The following SLC5A2 variants were observed in gnomAD, a reference collection of about 807,000 sequenced individuals.
SLC5A2 encodes the protein sodium/glucose cotransporter 2.
SLC5A2 carries 67 observed loss-of-function variants against 69.0 expected under a neutral mutation model. The ratio of observed to expected loss-of-function variants is 0.97; its 90% CI spans 0.80 to 1.19. The LOEUF (loss-of-function observed/expected upper bound fraction) is 1.19, where lower values mean the gene tolerates loss of function less well. SLC5A2 is among the 50% of genes most tolerant of loss of function. The pLI is 0.00. For synonymous variants in SLC5A2, 455 were observed against 395.8 expected (o/e 1.15, Z -1.78); for missense variants, 1,001 against 921.5 (o/e 1.09, Z -1.12).
rs1436961603 is a variant in SLC5A2, at chr16:31,488,721, A to T, written c.1229A>T (p.Tyr410Phe). ...SSSTLFTMDI[Y>F]TRLRPRAGDR... ...AGCACGCTCTTCACCATGGACATCT[A>T]CACGCGCCTGCGGCCACGCGCCGGC... Residue 410 changes from tyrosine to phenylalanine, a missense_variant, in exon 10 of 14, where the codon TAC becomes TTC. Coordinates refer to ENST00000330498, the MANE Select transcript of SLC5A2 (RefSeq NM_003041.4). 2 of 1,611,810 alleles carry T rather than the reference A, an allele frequency of 1.2e-6. No homozygotes were observed. The highest frequency in any genetic ancestry group is 1.7e-6 in the Non-Finnish European group (2 of 1,179,178).
In SLC5A2 at chr16:31,490,498, T is replaced by C. The variant is rs775638719; in HGVS notation, c.1982T>C (p.Met661Thr). 4 of 1,613,660 alleles carry C rather than the reference T, an allele frequency of 2.5e-6. No individual in the cohort carries two copies. The highest frequency in any genetic ancestry group is 1.6e-4 in the Middle Eastern group (1 of 6,082). ...RVVNLNALLM[M>T]AVAVFLWGFY... ...GTCAACCTCAATGCCCTGCTCATGA[T>C]GGCAGTGGCCGTGTTCCTCTGGGGC... Residue 661 changes from methionine to threonine, a missense_variant, in exon 14 of 14, where the codon ATG becomes ACG. Coordinates refer to ENST00000330498, the MANE Select transcript of SLC5A2 (RefSeq NM_003041.4).
rs2082515844 is a variant in SLC5A2 at position 31,488,182 on chromosome 16, C to T, written c.1021+9C>T. 3 of 1,613,858 alleles carry T rather than the reference C, an allele frequency of 1.9e-6. No homozygotes were observed. Among genetic ancestry groups the T allele is most frequent in the African/African-American group, 2.7e-5 (2 of 74,922 alleles). On this transcript the variant is annotated intron_variant, in intron 8 of 13. Coordinates refer to ENST00000330498, the MANE Select transcript of SLC5A2 (RefSeq NM_003041.4). ...CCGCATTCTGTACCCAGGTAACATC[C>T]CTGCCCCGCCCCTTTCCTGTGCCAG...
chr16:31,485,211 AG>A (rs2082486227), intron 3 of SLC5A2: 1 of 553,864 alleles, frequency 1.8e-6, no homozygotes, highest in Admixed American at 3.0e-5. Context: ...GCAGCCTCAA[AG>A]CCAGGGAAGC....
At position 31,488,189 on chromosome 16, in the gene SLC5A2, C is replaced by T; in HGVS notation, c.1021+16C>T. 6.2e-7 allele frequency: 1 copy of T among 1,613,982 alleles called. No homozygotes were observed. The highest frequency in any genetic ancestry group is 1.6e-4 in the Middle Eastern group (1 of 6,062). ...CTGTACCCAGGTAACATCCCTGCCCCGCCCCTTTCCTGTGCCAGCAACCGG... is the reference window on the plus strand; with the variant it reads ...CTGTACCCAGGTAACATCCCTGCCCTGCCCCTTTCCTGTGCCAGCAACCGG... On this transcript the variant is annotated intron_variant, in intron 8 of 13. Coordinates refer to ENST00000330498, the MANE Select transcript of SLC5A2 (RefSeq NM_003041.4).
rs765982681 is a variant in SLC5A2, at chr16:31,485,718, G to GC, written c.304-5dup. On this transcript the variant is annotated splice_polypyrimidine_tract_variant and intron_variant, in intron 3 of 13. Coordinates refer to ENST00000330498, the MANE Select transcript of SLC5A2 (RefSeq NM_003041.4). Reference sequence around the variant, plus strand: ...CAAAGCCACCCTCAGCGGCAGTACTGCCCCCCGTAGGCGCTCTTCGTGGTG... The same window carrying GC: ...CAAAGCCACCCTCAGCGGCAGTACTGCCCCCCCGTAGGCGCTCTTCGTGGTG... The GC allele has an allele frequency of 2.1e-5, 34 of 1,612,202 alleles. 2 individuals carry two copies. In the South Asian group the frequency reaches 3.0e-4, roughly 14 times the overall value.
chr16:31,483,177 G>C lies in SLC5A2; in HGVS notation c.41G>C (p.Gly14Ala), dbSNP rs752166710. Residue 14 changes from glycine to alanine, a missense_variant, in exon 1 of 14, where the codon GGG becomes GCG. Coordinates refer to ENST00000330498, the MANE Select transcript of SLC5A2 (RefSeq NM_003041.4). ...GAGGCAGGCTCGGCACCAGAGATGG[G>C]GGCCCAGAAGGCCCTGATTGACAAT... ...HTEAGSAPEM[G>A]AQKALIDNPA... is the part of the protein sequence containing the mutation. The C allele has an allele frequency of 1.9e-6, 3 of 1,614,064 alleles. No homozygotes were observed. In the South Asian group the frequency reaches 3.3e-5, roughly 18 times the overall value.
chr16:31,485,758 G>A lies in SLC5A2; in HGVS notation c.333G>A (p.Trp111Ter), dbSNP rs142399311. The A allele has an allele frequency of 1.5e-5, 25 of 1,613,602 alleles. No homozygotes were observed. The African/African-American group carries it at 2.9e-4, about 19-fold the overall frequency. ...TCTTCGTGGTGCTGCTACTGGGCTG[G>A]CTGTTTGCACCCGTGTACCTGACAG... The part of the protein sequence containing the change: ...NALFVVLLLG[W>*]LFAPVYLTAG... The change falls in exon 4 of 14, where the codon TGG becomes TGA. Residue 111 changes from tryptophan to a stop codon, truncating the protein, a stop_gained. Transcript: ENST00000330498. LOFTEE classifies it high-confidence loss of function.
chr16:31,485,825 G>C lies in SLC5A2; in HGVS notation c.400G>C (p.Gly134Arg). Residue 134 changes from glycine to arginine, a missense_variant, in exon 4 of 14, where the codon GGC becomes CGC. Physicochemically the swap from Gly to Arg is moderately radical, Grantham distance 125. Transcript: ENST00000330498. ...GCCACAGTACCTGCGCAAGCGCTTC[G>C]GCGGCCGCCGCATCCGCCTCTACCT... Reference protein sequence around the residue: ...TMPQYLRKRFGGRRIRLYLSV... With the variant: ...TMPQYLRKRFRGRRIRLYLSV... 3 of 1,613,120 alleles carry C rather than the reference G, an allele frequency of 1.9e-6. No individual in the cohort carries two copies. The highest frequency in any genetic ancestry group is 2.5e-6 in the Non-Finnish European group (3 of 1,180,016).
At chr16:31,486,830 C>T (rs544927523) in intron 5 of SLC5A2, among the ~76,000 whole-genome samples, 1 of 152,100 alleles carries the variant, frequency 6.6e-6, no homozygotes, top group Non-Finnish European at 1.5e-5. Context: ...GCGGATCACG[C>T]GGTCAGGAGT....
At position 31,489,245 on chromosome 16, in the gene SLC5A2, G is replaced by C. The variant is rs1171608131; in HGVS notation, c.1572G>C (p.Val524=). 1.2e-6 allele frequency: 2 copies of C among 1,610,488 alleles called. No individual in the cohort carries two copies. Among genetic ancestry groups the C allele is most frequent in the African/African-American group, 1.3e-5 (1 of 74,924 alleles). The change falls in exon 12 of 14, where the codon GTG becomes GTC. Residue 524 remains valine (V), a synonymous_variant. Coordinates refer to ENST00000330498, the MANE Select transcript of SLC5A2 (RefSeq NM_003041.4). ...PSACPAFLCG[V]HYLYFAIVLF... is the part of the protein sequence containing the mutation. The stretch of plus-strand genomic sequence containing the variant: ...CGTGCCCAGCTTTCCTCTGCGGCGT[G>C]CACTACCTCTACTTCGCCATTGTGC...
rs182785558 is a variant in SLC5A2 at position 31,487,505 on chromosome 16, G to A, written c.656-25G>A. 104 of 1,612,810 alleles carry A rather than the reference G, an allele frequency of 6.4e-5. No homozygotes were observed. The Admixed American group carries it at 1.6e-3, about 25-fold the overall frequency. Reference sequence around the variant, plus strand: ...CTCCGGTCTGAGGGTCCTAAGGAGGGTCCCCTGACGGCCTTGCCCGGCAGC... The same window carrying A: ...CTCCGGTCTGAGGGTCCTAAGGAGGATCCCCTGACGGCCTTGCCCGGCAGC... On this transcript the variant is annotated intron_variant, in intron 6 of 13. Transcript: ENST00000330498.
Position 31,484,669 on chromosome 16 carries a change from C to A in SLC5A2, c.127-4C>A. Reference sequence around the variant, plus strand: ...CCCAGGTCTCCCCCGCCTCTGTCTCCCAGTCCATGTGCAGAACCAACAGAG... The same window carrying A: ...CCCAGGTCTCCCCCGCCTCTGTCTCACAGTCCATGTGCAGAACCAACAGAG... On this transcript the variant is annotated splice_polypyrimidine_tract_variant and splice_region_variant and intron_variant, in intron 1 of 13. Coordinates refer to ENST00000330498, the MANE Select transcript of SLC5A2 (RefSeq NM_003041.4). The A allele has an allele frequency of 6.2e-7, 1 of 1,606,952 alleles. No individual in the cohort carries two copies.
At position 31,487,654 on chromosome 16, in the gene SLC5A2, C is replaced by G; in HGVS notation, c.780C>G (p.Pro260=). ...CCAGCTTCTGCTATCGACCCCGGCC[C>G]GACTCCTACCACCTGCTCCGGCACC... ...NISSFCYRPR[P]DSYHLLRHPV... The change falls in exon 7 of 14, where the codon CCC becomes CCG. Residue 260 remains proline (P), a synonymous_variant. Transcript: ENST00000330498. 1.2e-6 allele frequency: 2 copies of G among 1,613,844 alleles called. No individual in the cohort carries two copies. Among genetic ancestry groups the G allele is most frequent in the Non-Finnish European group, 1.7e-6 (2 of 1,180,004 alleles).
At position 31,490,675 on chromosome 16, in the gene SLC5A2, G is replaced by A. The variant is rs532877244; in HGVS notation, c.*140G>A. On this transcript the variant is annotated 3_prime_UTR_variant, in exon 14 of 14. Transcript: ENST00000330498. Reference sequence around the variant, plus strand: ...CTTCTCCCGGCCTTCCTCTGCCTGGGGCCCACTGCATCTGATTGGCAGTCA... The same window carrying A: ...CTTCTCCCGGCCTTCCTCTGCCTGGAGCCCACTGCATCTGATTGGCAGTCA... The A allele has an allele frequency of 1.2e-5, 13 of 1,078,296 alleles. No individual in the cohort carries two copies. In the South Asian group the frequency reaches 1.5e-4, roughly 12 times the overall value. The allele number at this position is 1,078,296 out of a possible 1,614,324, so 66.8% of individuals were successfully genotyped here.
rs962801604 is a variant in SLC5A2 at position 31,487,886 on chromosome 16, G to C, written c.885+127G>C. On this transcript the variant is annotated intron_variant, in intron 7 of 13. Coordinates refer to ENST00000330498, the MANE Select transcript of SLC5A2 (RefSeq NM_003041.4). ...CTGAGGGGCGGGAACCCCTCGGGTT[G>C]GTGCTAAACCAGACAGAAGGCTCCA... is the stretch of plus-strand genomic sequence containing the variant. 3.6e-6 allele frequency: 5 copies of C among 1,403,294 alleles called. No individual in the cohort carries two copies. In the African/African-American group the frequency reaches 7.1e-5, roughly 20 times the overall value. The allele number at this position is 1,403,294 out of a possible 1,614,324, so 86.9% of individuals were successfully genotyped here.
chr16:31,483,298 G>A, intron 1 of SLC5A2, 36 bp downstream of exon 1: 1 of 1,613,300 alleles, frequency 6.2e-7, no homozygotes, highest in African/African-American at 1.3e-5. Context: ...GGTGGCTGCT[G>A]GCTTTGGGGG....
In SLC5A2 at chr16:31,484,714, C is replaced by G; in HGVS notation, c.168C>G (p.Phe56Leu). 2 of 1,609,828 alleles carry G rather than the reference C, an allele frequency of 1.2e-6. No homozygotes were observed. Among genetic ancestry groups the G allele is most frequent in the Non-Finnish European group, 8.5e-7 (1 of 1,180,034 alleles). ...RTNRGTVGGYFLAGRSMVWWP... is the reference protein window; with the variant it reads ...RTNRGTVGGYLLAGRSMVWWP... Reference sequence around the variant, plus strand: ...ACAGAGGCACTGTGGGCGGCTACTTCCTGGCAGGACGCAGCATGGTGTGGT... The same window carrying G: ...ACAGAGGCACTGTGGGCGGCTACTTGCTGGCAGGACGCAGCATGGTGTGGT... The change falls in exon 2 of 14, where the codon TTC (phenylalanine) becomes TTG (leucine). Residue 56 changes from phenylalanine to leucine, a missense_variant. Physicochemically the swap from Phe to Leu is conservative, Grantham distance 22. Coordinates refer to ENST00000330498, the MANE Select transcript of SLC5A2 (RefSeq NM_003041.4).
rs1567391147 is a variant in SLC5A2 at position 31,489,056 on chromosome 16, G to C, written c.1449+8G>C. ...CCGCGCGTTAATGAGCAGGTGAGCG[G>C]CACGCGCGTGGTGACGGCAGGGCTG... is the stretch of plus-strand genomic sequence containing the variant. On this transcript the variant is annotated splice_region_variant and intron_variant, in intron 11 of 13. Coordinates refer to ENST00000330498, the MANE Select transcript of SLC5A2 (RefSeq NM_003041.4). 6.2e-7 allele frequency: 1 copy of C among 1,601,496 alleles called. No individual in the cohort carries two copies. The highest frequency in any genetic ancestry group is 1.7e-5 in the Admixed American group (1 of 60,012).
chr16:31,487,471 G>T, intron 6 of SLC5A2, 59 bp from the exon 7 acceptor site: 1 of 1,609,862 alleles, frequency 6.2e-7, no homozygotes, highest in South Asian at 1.1e-5. Flanking sequence ...GCGCGGGGCC[G>T]TTGCGCGTCT....
Sources: gnomAD v4.1 joint callset for allele counts (sites outside exome capture counted in the v4.1 genomes callset) on GRCh38, gnomAD v4.1.1 for gene constraint, MANE v1.5 for transcripts, NCBI Gene and HGNC (gene_info 2026-07-23, HGNC 2026-07-21) for gene names.